The following GFM1 variants were observed in gnomAD, a reference collection of about 807,000 sequenced individuals.
GFM1 encodes elongation factor G, mitochondrial.
In GFM1, 62 loss-of-function variants were observed where a neutral mutation model predicts 96.2. The observed-to-expected ratio is 0.64, with a 90% CI of 0.53 to 0.80. The LOEUF is 0.80. GFM1 is among the 30% of genes least tolerant of loss of function. GFM1 has a pLI of 0.00. For missense variants in GFM1, 852 were observed against 916.6 expected (o/e 0.93, Z 0.91); for synonymous variants, 282 against 312.9 (o/e 0.90, Z 1.04).
In GFM1 at chr3:158,652,076, C is replaced by A. The variant is rs1722338943; in HGVS notation, c.690-20C>A. The A allele has an allele frequency of 6.2e-7, 1 of 1,611,410 alleles. No individual in the cohort carries two copies. Among genetic ancestry groups the A allele is most frequent in the South Asian group, 1.1e-5 (1 of 91,000 alleles). On this transcript the variant is annotated intron_variant, in intron 5 of 17. Transcript: ENST00000486715. ...ATTAAGTTGAATATCCTTAAAGCACCAAAATATTTGCTTTCTTAGTCAGAT... is the reference window on the plus strand; with the variant it reads ...ATTAAGTTGAATATCCTTAAAGCACAAAAATATTTGCTTTCTTAGTCAGAT...
At position 158,684,642 on chromosome 3, in the gene GFM1, G is replaced by A. The variant is rs1008976229; in HGVS notation, c.1883G>A (p.Arg628Gln). The A allele has an allele frequency of 2.7e-5, 44 of 1,613,930 alleles. No homozygotes were observed. The highest frequency in any genetic ancestry group is 1.8e-4 in the East Asian group (8 of 44,884). ...MVDSNEISFI[R>Q]AGEGALKQAL... ...GATTCTAATGAAATCTCTTTCATCC[G>A]AGCAGGAGAAGGTGCTCTTAAACAA... Residue 628 changes from arginine (R) to glutamine (Q), a missense_variant, in exon 15 of 18, where the codon CGA (arginine) becomes CAA (glutamine). Transcript: ENST00000486715.
chr3:158,658,842 G>T (rs1722969392), intron 8 of GFM1, 80 bp from the exon 9 acceptor site: 1 of 1,453,642 alleles, frequency 6.9e-7, no homozygotes, highest in Non-Finnish European at 9.6e-7. Flanking sequence ...TACTTGGAGG[G>T]AGTTATGAAG....
At chr3:158,661,876 ATAT>A (rs1723224116) in intron 10 of GFM1, among the ~76,000 whole-genome samples, 1 of 152,142 alleles carries the variant, frequency 6.6e-6, no homozygotes. Flanking sequence ...TCTAATGTGT[ATAT>A]TATTACCTGT....
At chr3:158,644,804 T>A (rs1264130050) in intron 1 of GFM1, 89 bp downstream of exon 1, 1 of 1,084,428 alleles carries the variant, frequency 9.2e-7, no homozygotes, top group East Asian at 2.6e-5. Flanking sequence ...ACCCCCTGGG[T>A]CCTCATGACT....
Position 158,659,008 on chromosome 3 carries a change from A to T in GFM1, c.1170A>T (p.Arg390Ser). 6.2e-7 allele frequency: 1 copy of T among 1,614,226 alleles called. No individual in the cohort carries two copies. Among genetic ancestry groups the T allele is most frequent in the East Asian group, 2.2e-5 (1 of 44,890 alleles). ...ACACCATCTATAACACAAGGACAAG[A>T]AAGAAAGTACGGTTGCAACGGCTGG... ...KGDTIYNTRT[R>S]KKVRLQRLAR... The change falls in exon 9 of 18, where the codon AGA (arginine) becomes AGT (serine). Residue 390 changes from arginine (R) to serine (S), a missense_variant. Arg to Ser is a moderately radical substitution (Grantham distance 110). Transcript: ENST00000486715.
At position 158,694,875 on chromosome 3, in the gene GFM1, A is replaced by G. The variant is rs1192952178; in HGVS notation, c.*3408A>G. Among the ~76,000 whole-genome samples, 1 of 152,232 alleles carries G rather than the reference A, an allele frequency of 6.6e-6. No homozygotes were observed. Among genetic ancestry groups the G allele is most frequent in the East Asian group, 1.9e-4 (1 of 5,194 alleles). On this transcript the variant is annotated 3_prime_UTR_variant, in exon 18 of 18. Transcript: ENST00000486715. ...TGGTATTATTTTATATGTCTTAAGA[A>G]AGTTCTAAAGGTATTAGGAAAATGA...
chr3:158,671,404 C>T (rs533854276), intron 13 of GFM1, among the ~76,000 whole-genome samples: 1 of 152,294 alleles, frequency 6.6e-6, no homozygotes, highest in Non-Finnish European at 1.5e-5. Context: ...GTGTACCCTC[C>T]AAATAATGTT....
chr3:158,695,203 G>A lies in GFM1; in HGVS notation c.*3736G>A, dbSNP rs1028725912. Reference sequence around the variant, plus strand: ...ACCCTGGCCAACACGGTGAAACCCCGTCTCTACTATAAATACAAAAATCGT... The same window carrying A: ...ACCCTGGCCAACACGGTGAAACCCCATCTCTACTATAAATACAAAAATCGT... On this transcript the variant is annotated 3_prime_UTR_variant, in exon 18 of 18. Coordinates refer to ENST00000486715, the MANE Select transcript of GFM1 (RefSeq NM_024996.7). 4.6e-5 allele frequency among the ~76,000 whole-genome samples: 7 copies of A among 151,778 alleles called. No individual in the cohort carries two copies. The highest frequency in any genetic ancestry group is 9.7e-5 in the African/African-American group (4 of 41,316).
chr3:158,674,118 T>C (rs970397559), intron 13 of GFM1, among the ~76,000 whole-genome samples: 3 of 150,728 alleles, frequency 2.0e-5, no homozygotes, highest in African/African-American at 7.3e-5. Flanking sequence ...TTTCGCTCTG[T>C]TGCCTAGGCT....
intron 1 of GFM1, chr3:158,644,980 GTTTTT>G (rs11405116): frequency 8.1e-4 from 174 of 213,828 alleles, no homozygotes; most frequent in South Asian, 1.4e-3. Context: ...CTTTTCTAAG[GTTTTT>G]TTTTTTTTTT....
At chr3:158,672,640 CTG>C in intron 13 of GFM1, 1 of 808,020 alleles carries the variant, frequency 1.2e-6, no homozygotes, top group Middle Eastern at 4.0e-4. Context: ...ACTCCGGAAG[CTG>C]CTGTTTGGGC....
chr3:158,647,008 A>G (rs1721877627), intron 4 of GFM1, 61 bp downstream of exon 4: 1 of 1,284,358 alleles, frequency 7.8e-7, no homozygotes, highest in South Asian at 1.2e-5. Context: ...CCTTATATCC[A>G]AAAGGGTGAT....
At chr3:158,649,668 G>T in intron 5 of GFM1, 1 of 260,524 alleles carries the variant, frequency 3.8e-6, no homozygotes, top group Non-Finnish European at 7.3e-6. Flanking sequence ...GAAATAAGTT[G>T]GTAACTTTTT....
intron 9 of GFM1, 119 bp from the exon 10 acceptor site, chr3:158,660,755 A>G (rs554115165): frequency 7.1e-4 from 575 of 814,324 alleles, no homozygotes; most frequent in East Asian, 2.4e-3. Flanking sequence ...GAATTCAAGC[A>G]GAGAGATTCT....
rs1296568006 is a variant in GFM1 at position 158,695,016 on chromosome 3, T to G, written c.*3549T>G. On this transcript the variant is annotated 3_prime_UTR_variant, in exon 18 of 18. Transcript: ENST00000486715. ...ATTTTATGCCAAGTGATTTTTCTGT[T>G]TTATTAGCTAGTGAAACCAATGTTG... Among the ~76,000 whole-genome samples the G allele has an allele frequency of 6.6e-6, 1 of 152,234 alleles. No homozygotes were observed. The highest frequency in any genetic ancestry group is 2.4e-5 in the African/African-American group (1 of 41,464).
chr3:158,649,372 T>A, intron 5 of GFM1: 1 of 418,838 alleles, frequency 2.4e-6, no homozygotes, highest in Non-Finnish European at 4.4e-6. Flanking sequence ...TTGGGTAATA[T>A]ACCCATATCA....
At position 158,693,359 on chromosome 3, in the gene GFM1, C is replaced by T. The variant is rs1726434762; in HGVS notation, c.*1892C>T. ...TTGAGAATAGTCACAACTACTGGAA[C>T]TAAACTGGATAAATAAGTAAAAAAC... On this transcript the variant is annotated 3_prime_UTR_variant, in exon 18 of 18. Coordinates refer to ENST00000486715, the MANE Select transcript of GFM1 (RefSeq NM_024996.7). 6.6e-6 allele frequency: 1 copy of T among 152,160 alleles called. No individual in the cohort carries two copies. The highest frequency in any genetic ancestry group is 6.5e-5 in the Admixed American group (1 of 15,280). The allele number at this position is 152,160 out of a possible 1,614,324, so 9.4% of individuals were successfully genotyped here.
chr3:158,653,591 GT>G, intron 7 of GFM1, 124 bp downstream of exon 7: 1 of 736,006 alleles, frequency 1.4e-6, no homozygotes, highest in East Asian at 2.7e-5. Context: ...TACAATCATG[GT>G]TTTTATTTGG....
chr3:158,673,508 CTTTTTTT>C (rs766011688), intron 13 of GFM1, among the ~76,000 whole-genome samples: 9 of 114,270 alleles, frequency 7.9e-5, no homozygotes, highest in East Asian at 2.4e-4. Flanking sequence ...CTTTTCTTTT[CTTTTTTT>C]TTTTTTTTTT....
Sources: allele counts gnomAD v4.1 joint callset (sites outside exome capture counted in the v4.1 genomes callset), GRCh38; gene constraint gnomAD v4.1.1; transcripts MANE v1.5; gene names NCBI Gene and HGNC (gene_info 2026-07-23, HGNC 2026-07-21).